POU2AF3: variants seen among roughly 807,000 people sequenced by gnomAD.
The protein encoded by POU2AF3 is POU class 2 homeobox associating factor 3.
At chr11:111,298,827 C>CGGGGGGGCG in the POU2AF3 span, 31 of 631,526 alleles carry the variant, frequency 4.9e-5, no homozygotes, top group Non-Finnish European at 6.5e-5. Context: ...GTACCCCAGG[C>CGGGGGGGCG]CCCCGCCCGC....
chr11:111,298,915 T>C, the POU2AF3 span: 7 of 1,072,780 alleles, frequency 6.5e-6, no homozygotes, highest in African/African-American at 1.2e-4. Flanking sequence ...CGGGGGGAGC[T>C]AGAGGCTCAC....
At chr11:111,298,826 G>GCGGGGGGGGGGCCC in the POU2AF3 span, 10 of 790,958 alleles carry the variant, frequency 1.3e-5, no homozygotes, top group South Asian at 6.7e-5. Context: ...CGTACCCCAG[G>GCGGGGGGGGGGCCC]CCCCCGCCCG....
chr11:111,301,165 C>T, the POU2AF3 span, among the ~76,000 whole-genome samples: 1 of 152,158 alleles, frequency 6.6e-6, no homozygotes, highest in Non-Finnish European at 1.5e-5. Context: ...AGCTGGAGTA[C>T]AGGACCACTT....
the POU2AF3 span, among the ~76,000 whole-genome samples, chr11:111,306,182 C>T: frequency 1.3e-5 from 2 of 152,114 alleles, no homozygotes; most frequent in Non-Finnish European, 2.9e-5. Flanking sequence ...AGTTTTACAG[C>T]CAGTTTCCAC....
the POU2AF3 span, among the ~76,000 whole-genome samples, chr11:111,306,063 G>A: frequency 6.6e-6 from 1 of 152,170 alleles, no homozygotes. Context: ...GCCGGTAGGG[G>A]CTGGATGTCC....
chr11:111,301,925 TG>T, the POU2AF3 span, among the ~76,000 whole-genome samples: 88 of 152,316 alleles, frequency 5.8e-4, no homozygotes, highest in African/African-American at 2.0e-3. Flanking sequence ...AGAGTTCAGA[TG>T]CGAGCCAGCT....
the POU2AF3 span, chr11:111,298,827 C>CGGGCGG: frequency 4.8e-6 from 3 of 631,566 alleles, no homozygotes; most frequent in Non-Finnish European, 6.7e-6. Flanking sequence ...GTACCCCAGG[C>CGGGCGG]CCCCGCCCGC....
the POU2AF3 span, chr11:111,298,843 C>CCCCCCAAAA: frequency 8.4e-7 from 1 of 1,187,152 alleles, no homozygotes; most frequent in Non-Finnish European, 1.0e-6. Context: ...CCCGCCCTCC[C>CCCCCCAAAA]ACGTATCCAC....
the POU2AF3 span, chr11:111,300,553 C>T: frequency 8.1e-7 from 1 of 1,231,868 alleles, no homozygotes; most frequent in Non-Finnish European, 1.0e-6. Context: ...TCAAGGTGTC[C>T]GAGTGAAGAT....
chr11:111,308,204 C>A, the POU2AF3 span: 34 of 1,551,654 alleles, frequency 2.2e-5, no homozygotes, highest in Admixed American at 5.9e-5. Flanking sequence ...CTGTGGCTAC[C>A]CCCCAGAAGA....
chr11:111,300,768 C>T, the POU2AF3 span: 1 of 379,462 alleles, frequency 2.6e-6, no homozygotes, highest in East Asian at 3.9e-5. Context: ...CTTCTGTACC[C>T]AGCTGCATCC....
chr11:111,299,362 G>A, the POU2AF3 span: 2 of 992,734 alleles, frequency 2.0e-6, no homozygotes, highest in Non-Finnish European at 2.4e-6. Context: ...CAGGGCCGGA[G>A]CCGCCCCGGA....
At chr11:111,308,354 G>A in the POU2AF3 span, 1 of 1,551,734 alleles carries the variant, frequency 6.4e-7, no homozygotes, top group Non-Finnish European at 8.7e-7. Context: ...CCCGAGCACA[G>A]ACTGTGTGGA....
the POU2AF3 span, among the ~76,000 whole-genome samples, chr11:111,303,884 C>A: frequency 7.1e-6 from 1 of 141,028 alleles, no homozygotes; most frequent in Non-Finnish European, 1.6e-5. Context: ...AAAGCCACAC[C>A]TGAAATTTAA....
chr11:111,299,461 G>A, the POU2AF3 span: 12 of 1,075,314 alleles, frequency 1.1e-5, no homozygotes, highest in Non-Finnish European at 4.5e-6. Context: ...GCTTTTCGGG[G>A]CCCGGGGCTG....
the POU2AF3 span, chr11:111,308,535 C>A: frequency 1.6e-6 from 2 of 1,264,322 alleles, no homozygotes; most frequent in Non-Finnish European, 2.1e-6. Flanking sequence ...ACACAATATC[C>A]CAAGCACAGT....
At chr11:111,305,144 A>G in the POU2AF3 span, 1 of 404,264 alleles carries the variant, frequency 2.5e-6, no homozygotes, top group Non-Finnish European at 4.3e-6. Flanking sequence ...ATGCAAGCCC[A>G]GCAAGAAAAC....
At chr11:111,298,666 C>T in the POU2AF3 span, 1 of 1,213,060 alleles carries the variant, frequency 8.2e-7, no homozygotes, top group Non-Finnish European at 1.0e-6. Flanking sequence ...CACGGCTTTT[C>T]CTGCATAGAA....
the POU2AF3 span, chr11:111,299,113 G>C: frequency 3.1e-6 from 3 of 965,948 alleles, no homozygotes; most frequent in Non-Finnish European, 3.7e-6. Context: ...CGGGGCACGG[G>C]ATTCCCTGGG....
Sources: gnomAD v4.1 joint callset for allele counts (sites outside exome capture counted in the v4.1 genomes callset) on GRCh38, gnomAD v4.1.1 for gene constraint, MANE v1.5 for transcripts, NCBI Gene and HGNC (gene_info 2026-07-23, HGNC 2026-07-21) for gene names.